The following ZFAND3 variants were observed in gnomAD, a reference collection of about 807,000 sequenced individuals.
The protein encoded by ZFAND3 is zinc finger AN1-type containing 3, also known as AN1-type zinc finger protein 3.
ZFAND3 carries 10 observed loss-of-function variants against 29.6 expected under a neutral mutation model. The ratio of observed to expected loss-of-function variants is 0.34; its 90% CI spans 0.21 to 0.57. ZFAND3 has a LOEUF of 0.57. Among genes scored for constraint, ZFAND3 ranks in the 20% least tolerant of loss-of-function variants. The pLI is 0.86. For missense variants in ZFAND3, 230 were observed against 304.5 expected, an observed-to-expected ratio of 0.76 and a Z score of 1.82; for synonymous variants, 128 against 112.6, an observed-to-expected ratio of 1.14 and a Z score of -0.87.
intron 2 of ZFAND3, among the ~76,000 whole-genome samples, chr6:38,059,836 A>C (rs1221223016): frequency 6.6e-6 from 1 of 152,162 alleles, no homozygotes; most frequent in African/African-American, 2.4e-5. Flanking sequence ...AGATCATGCC[A>C]CTGCACTTCA....
At chr6:38,049,641 ACAT>A (rs1763979429) in intron 2 of ZFAND3, among the ~76,000 whole-genome samples, 1 of 152,178 alleles carries the variant, frequency 6.6e-6, no homozygotes, top group Admixed American at 6.5e-5. Flanking sequence ...AATTATATAA[ACAT>A]CATGTATTCT....
At chr6:38,119,548 G>A (rs899650754) in intron 5 of ZFAND3, among the ~76,000 whole-genome samples, 1 of 152,212 alleles carries the variant, frequency 6.6e-6, no homozygotes, top group East Asian at 1.9e-4. Flanking sequence ...AATTGAATGT[G>A]TTATGAATTG....
chr6:37,926,325 G>A (rs1029822223), intron 1 of ZFAND3, among the ~76,000 whole-genome samples: 3 of 152,176 alleles, frequency 2.0e-5, no homozygotes, highest in African/African-American at 7.2e-5. Context: ...TCCAAGATCT[G>A]GGAGGGCTTC....
chr6:37,819,949 G>T lies in ZFAND3; in HGVS notation c.4G>T (p.Gly2Ter). The change falls in exon 1 of 6, where the codon GGA becomes TGA. Residue 2 changes from glycine to a stop codon, truncating the protein, a stop_gained. Coordinates refer to ENST00000287218, the MANE Select transcript of ZFAND3 (RefSeq NM_021943.3). LOFTEE classifies it high-confidence loss of function. The part of the protein sequence containing the change: M[G>*]DAGSERSKAP... Reference sequence around the variant, plus strand: ...AGCTCCGCCGCCGCCGAGCACCATGGGAGACGCTGGGAGCGAGCGCAGCAA... The same window carrying T: ...AGCTCCGCCGCCGCCGAGCACCATGTGAGACGCTGGGAGCGAGCGCAGCAA... 1 of 1,221,500 alleles carries T rather than the reference G, an allele frequency of 8.2e-7. No homozygotes were observed. The highest frequency in any genetic ancestry group is 1.6e-5 in the African/African-American group (1 of 63,720). The allele number at this position is 1,221,500 out of a possible 1,614,324, so 75.7% of individuals were successfully genotyped here.
At chr6:37,898,855 A>C (rs1316596409) in intron 1 of ZFAND3, among the ~76,000 whole-genome samples, 1 of 152,152 alleles carries the variant, frequency 6.6e-6, no homozygotes, top group African/African-American at 2.4e-5. Flanking sequence ...CATGATACCC[A>C]GTCATGTTAT....
intron 2 of ZFAND3, among the ~76,000 whole-genome samples, chr6:37,997,479 T>C (rs986684900): frequency 6.6e-6 from 1 of 152,192 alleles, no homozygotes; most frequent in African/African-American, 2.4e-5. Flanking sequence ...CTCAGATGCA[T>C]GCATAGTGTG....
chr6:37,998,902 C>A (rs1158863148), intron 2 of ZFAND3, among the ~76,000 whole-genome samples: 1 of 152,048 alleles, frequency 6.6e-6, no homozygotes, highest in Non-Finnish European at 1.5e-5. Context: ...TGAATGTGTA[C>A]ACAGATTGGT....
chr6:37,969,289 A>G (rs1180151402), intron 2 of ZFAND3, among the ~76,000 whole-genome samples: 1 of 152,228 alleles, frequency 6.6e-6, no homozygotes, highest in Non-Finnish European at 1.5e-5. Flanking sequence ...ATATAGGGGA[A>G]TCAAATACAG....
chr6:37,945,296 C>A (rs1761881760), intron 2 of ZFAND3, among the ~76,000 whole-genome samples: 1 of 152,166 alleles, frequency 6.6e-6, no homozygotes, highest in South Asian at 2.1e-4. Flanking sequence ...CTGTATTATT[C>A]CTGTCTCAGG....
intron 2 of ZFAND3, among the ~76,000 whole-genome samples, chr6:38,012,438 G>A (rs1763172408): frequency 2.0e-5 from 3 of 149,704 alleles, no homozygotes; most frequent in South Asian, 4.3e-4. Flanking sequence ...GAGTGCAGTG[G>A]CGCGATCTTG....
In ZFAND3 at chr6:38,081,949, T is replaced by C. The variant is rs1003442170; in HGVS notation, c.296-443T>C. On this transcript the variant is annotated intron_variant, in intron 3 of 5. Coordinates refer to ENST00000287218, the MANE Select transcript of ZFAND3 (RefSeq NM_021943.3). ...TTCTTAAGGCCCCCTCCCCTTATTA[T>C]GTAAGGCTAGTTTTTCAGTAAATTC... Among the ~76,000 whole-genome samples the C allele has an allele frequency of 2.6e-5, 4 of 152,260 alleles. 1 individual carries two copies. In the East Asian group the frequency reaches 7.7e-4, roughly 29 times the overall value.
At chr6:38,015,414 A>G (rs1763236600) in intron 2 of ZFAND3, among the ~76,000 whole-genome samples, 1 of 152,246 alleles carries the variant, frequency 6.6e-6, no homozygotes, top group Admixed American at 6.5e-5. Flanking sequence ...GCAATATTTG[A>G]TAAAGGAGGC....
At chr6:37,921,897 AAC>A (rs1491554823) in intron 1 of ZFAND3, among the ~76,000 whole-genome samples, 3 of 150,742 alleles carry the variant, frequency 2.0e-5, no homozygotes, top group African/African-American at 7.3e-5. Context: ...AAAAAAAAAA[AAC>A]AAACCCACAC....
chr6:37,973,510 A>G (rs890999340), intron 2 of ZFAND3, among the ~76,000 whole-genome samples: 1 of 152,244 alleles, frequency 6.6e-6, no homozygotes, highest in African/African-American at 2.4e-5. Flanking sequence ...GCTATCCAAC[A>G]TGGTAGCTAC....
chr6:38,152,750 T>G lies in ZFAND3; in HGVS notation c.*361T>G, dbSNP rs1160950199. On this transcript the variant is annotated 3_prime_UTR_variant, in exon 6 of 6. Transcript: ENST00000287218. The stretch of plus-strand genomic sequence containing the variant: ...CGGAGACTCTGAGTTAATAGAGGAG[T>G]AGAAGCTGGTGTTAAAGTTCCCACG... 4.0e-6 allele frequency: 4 copies of G among 1,004,616 alleles called. No individual in the cohort carries two copies. The highest frequency in any genetic ancestry group is 3.6e-6 in the Non-Finnish European group (3 of 843,064). 62.2% of individuals were successfully genotyped at this position (1,004,616 alleles called of 1,614,324 possible).
At chr6:38,116,843 T>C (rs1435609879) in intron 5 of ZFAND3, 104 bp downstream of exon 5, 2 of 1,443,220 alleles carry the variant, frequency 1.4e-6, no homozygotes, top group Non-Finnish European at 1.9e-6. Context: ...TTCTGAGTAC[T>C]GTAAGTTTGC....
In ZFAND3 at chr6:38,154,295, G is replaced by A. The variant is rs1766304232; in HGVS notation, c.*1906G>A. On this transcript the variant is annotated 3_prime_UTR_variant, in exon 6 of 6. Coordinates refer to ENST00000287218, the MANE Select transcript of ZFAND3 (RefSeq NM_021943.3). The stretch of plus-strand genomic sequence containing the variant: ...CCCCGCCCCCTCCTCTGCCTGCTGC[G>A]TGGAGGCAGCCATGGGAAGGAGCCC... 4.1e-6 allele frequency: 4 copies of A among 985,386 alleles called. No individual in the cohort carries two copies. Among genetic ancestry groups the A allele is most frequent in the Middle Eastern group, 5.2e-4 (1 of 1,914 alleles). The allele number at this position is 985,386 out of a possible 1,614,324, so 61.0% of individuals were successfully genotyped here.
chr6:38,097,456 T>A (rs1765006166), intron 4 of ZFAND3, among the ~76,000 whole-genome samples: 1 of 152,018 alleles, frequency 6.6e-6, no homozygotes, highest in Non-Finnish European at 1.5e-5. Context: ...TGGGAAGCAG[T>A]GAGTATAGGT....
chr6:38,108,782 A>G (rs973420751), intron 4 of ZFAND3, among the ~76,000 whole-genome samples: 2 of 152,164 alleles, frequency 1.3e-5, no homozygotes, highest in African/African-American at 4.8e-5. Context: ...CAGAAACAAT[A>G]CTTTATCAGC....
Sources: allele counts gnomAD v4.1 joint callset (sites outside exome capture counted in the v4.1 genomes callset), GRCh38; gene constraint gnomAD v4.1.1; transcripts MANE v1.5; gene names NCBI Gene and HGNC (gene_info 2026-07-23, HGNC 2026-07-21).